BRINP1: variants seen among roughly 807,000 people sequenced by gnomAD.
The protein encoded by BRINP1 is BMP/retinoic acid-inducible neural-specific protein 1.
Under a neutral mutation model 72.9 loss-of-function variants are expected in BRINP1, and 17 were observed. The observed-to-expected ratio is 0.23, with a 90% CI of 0.16 to 0.35. The LOEUF (loss-of-function observed/expected upper bound fraction) is 0.35. BRINP1 is among the 10% of genes least tolerant of loss of function. BRINP1 has a pLI of 1.00. For missense variants in BRINP1, 850 were observed against 1,001.6 expected (o/e 0.85, Z 2.04); for synonymous variants, 418 against 378.5 (o/e 1.10, Z -1.21).
intron 7 of BRINP1, among the ~76,000 whole-genome samples, chr9:119,186,839 A>G (rs1329653105): frequency 6.6e-6 from 1 of 152,064 alleles, no homozygotes; most frequent in Non-Finnish European, 1.5e-5. Context: ...TCTTGTTTCT[A>G]CAGCGCCTCA....
intron 7 of BRINP1, among the ~76,000 whole-genome samples, chr9:119,172,466 A>T (rs1160040073): frequency 6.6e-6 from 1 of 151,906 alleles, no homozygotes; most frequent in Non-Finnish European, 1.5e-5. Flanking sequence ...CAATAACAGG[A>T]TCTGAAATTG....
chr9:119,291,622 G>T (rs1830822319), intron 2 of BRINP1, among the ~76,000 whole-genome samples: 1 of 152,108 alleles, frequency 6.6e-6, no homozygotes, highest in South Asian at 2.1e-4. Context: ...AATAGATACT[G>T]GTCCAGTGTC....
Position 119,368,343 on chromosome 9 carries a change from G to A in BRINP1, c.-51+713C>T, listed in dbSNP as rs1185636219. On this transcript the variant is annotated intron_variant, in intron 1 of 7. Coordinates refer to ENST00000265922, the MANE Select transcript of BRINP1 (RefSeq NM_014618.3). The surrounding 1 kb of genome is among the most constrained non-coding windows in gnomAD (Gnocchi z 4.7). ...CCAGTGTAGAATTTAAAGTGACAGC[G>A]TCTCATTTGCCTCGGGGGTTGGCCA... Among the ~76,000 whole-genome samples the A allele has an allele frequency of 1.3e-5, 2 of 152,064 alleles. No homozygotes were observed. The highest frequency in any genetic ancestry group is 1.9e-4 in the East Asian group (1 of 5,174).
intron 2 of BRINP1, among the ~76,000 whole-genome samples, chr9:119,303,026 C>CT (rs1830955120): frequency 6.6e-6 from 1 of 152,066 alleles, no homozygotes; most frequent in Admixed American, 6.6e-5. Context: ...CAGGTGAGCA[C>CT]TTTTATCTCA....
chr9:119,351,461 G>C (rs1831507388), intron 1 of BRINP1, among the ~76,000 whole-genome samples: 1 of 151,524 alleles, frequency 6.6e-6, no homozygotes, highest in African/African-American at 2.4e-5. Context: ...AAAAAAAAAA[G>C]TCTTGGCAAT....
At chr9:119,215,864 G>A (rs1259303621) in intron 5 of BRINP1, among the ~76,000 whole-genome samples, 1 of 151,652 alleles carries the variant, frequency 6.6e-6, no homozygotes, top group Non-Finnish European at 1.5e-5. Context: ...TGCACTGCAC[G>A]GTGTGGTCAA....
rs567589347 is a variant in BRINP1 at position 119,217,899 on chromosome 9, C to A, written c.686-3744G>T. Among the ~76,000 whole-genome samples, 4 of 152,154 alleles carry A rather than the reference C, an allele frequency of 2.6e-5. No homozygotes were observed. The South Asian group carries it at 8.3e-4, about 32-fold the overall frequency. ...ACATCAATATTGTTCCTCCCATAAT[C>A]TTTGCACTTGCGTTTCCCTGTGCAC... On this transcript the variant is annotated intron_variant, in intron 5 of 7. Coordinates refer to ENST00000265922, the MANE Select transcript of BRINP1 (RefSeq NM_014618.3).
At chr9:119,274,410 C>T (rs892968227) in intron 2 of BRINP1, among the ~76,000 whole-genome samples, 2 of 152,150 alleles carry the variant, frequency 1.3e-5, no homozygotes, top group African/African-American at 2.4e-5. Flanking sequence ...TAAATGATTC[C>T]TCTAGGGTGA....
intron 7 of BRINP1, among the ~76,000 whole-genome samples, chr9:119,174,384 C>T (rs1375231168): frequency 1.3e-5 from 2 of 150,142 alleles, no homozygotes; most frequent in Admixed American, 1.3e-4. Context: ...CATCACTGGC[C>T]ATCAGAGAAA....
chr9:119,201,334 T>C (rs906638208), intron 7 of BRINP1, among the ~76,000 whole-genome samples: 2 of 152,240 alleles, frequency 1.3e-5, no homozygotes, highest in African/African-American at 4.8e-5. Flanking sequence ...CCAATAGTCT[T>C]GAATTGAACT....
chr9:119,241,162 T>G (rs527531291), intron 4 of BRINP1, among the ~76,000 whole-genome samples: 6 of 152,328 alleles, frequency 3.9e-5, no homozygotes, highest in Non-Finnish European at 8.8e-5. Context: ...TAAAATGGAA[T>G]AAACTTAAAC....
chr9:119,169,231 C>G (rs1352282581), intron 7 of BRINP1, among the ~76,000 whole-genome samples: 1 of 152,252 alleles, frequency 6.6e-6, no homozygotes, highest in Non-Finnish European at 1.5e-5. Context: ...GTGCATCTCA[C>G]TAGGGAGTGC....
At position 119,255,936 on chromosome 9, in the gene BRINP1, C is replaced by T. The variant is rs574988213; in HGVS notation, c.219-6786G>A. Among the ~76,000 whole-genome samples the T allele has an allele frequency of 5.3e-5, 6 of 112,448 alleles. No individual in the cohort carries two copies. The South Asian group carries it at 8.9e-4, about 17-fold the overall frequency. 73.8% of individuals were successfully genotyped at this position (112,448 alleles called of 152,430 possible). A position where few individuals can be genotyped will look rare whatever the true frequency, so the allele number is the denominator to read the frequency against. On this transcript the variant is annotated intron_variant, in intron 2 of 7. Transcript: ENST00000265922. Reference sequence around the variant, plus strand: ...AGCCACTGCATGCCAGCCCGGGCAACGGAGCAAGACTCCAGCTCAAAAAAA... The same window carrying T: ...AGCCACTGCATGCCAGCCCGGGCAATGGAGCAAGACTCCAGCTCAAAAAAA...
rs1279267575 is a variant in BRINP1 at position 119,214,104 on chromosome 9, G to A, written c.737C>T (p.Ala246Val). 1 of 1,614,058 alleles carries A rather than the reference G, an allele frequency of 6.2e-7. No homozygotes were observed. Among genetic ancestry groups the A allele is most frequent in the Admixed American group, 1.7e-5 (1 of 60,008 alleles). The change falls in exon 6 of 8, where the codon GCC becomes GTC. Residue 246 changes from alanine (A) to valine (V), a missense_variant. Transcript: ENST00000265922. ...CCCATTGCACATGATATAGCTCAAGGCCGACTGGACAAACTTCTCTTGCAG... is the reference window on the plus strand; with the variant it reads ...CCCATTGCACATGATATAGCTCAAGACCGACTGGACAAACTTCTCTTGCAG... ...QYLQEKFVQS[A>V]LSYIMCNGEG...
At position 119,209,668 on chromosome 9, in the gene BRINP1, G is replaced by A. The variant is rs151307191; in HGVS notation, c.923-727C>T. Among the ~76,000 whole-genome samples, 588 of 152,260 alleles carry A rather than the reference G, an allele frequency of 3.9e-3. 4 individuals carry two copies. The highest frequency in any genetic ancestry group is 0.013 in the African/African-American group (560 of 41,528). ...AGATGGTAGCTATAAAAATAAATAT[G>A]TTGAAGATAATGTTAATAAATTCTA... On this transcript the variant is annotated intron_variant, in intron 6 of 7. Coordinates refer to ENST00000265922, the MANE Select transcript of BRINP1 (RefSeq NM_014618.3).
Position 119,167,390 on chromosome 9 carries a change from A to C in BRINP1, c.1980T>G (p.Tyr660Ter), listed in dbSNP as rs1255662758. 1 of 1,614,068 alleles carries C rather than the reference A, an allele frequency of 6.2e-7. No homozygotes were observed. Residue 660 changes from tyrosine (Y) to a stop codon, truncating the protein, a stop_gained, in exon 8 of 8, where the codon TAT becomes TAG. Coordinates refer to ENST00000265922, the MANE Select transcript of BRINP1 (RefSeq NM_014618.3). LOFTEE classifies it high-confidence loss of function. This position sits in a 1 kb window ranked among gnomAD's most constrained non-coding sequence, Gnocchi z 4.3. ...IKISDVQVFG[Y>*]SLRFNADLLR... ...GGAGGTCGGCGTTGAACCTCAGGCT[A>C]TACCCAAACACCTGCACGTCTGAGA...
At chr9:119,210,283 T>C (rs1829909766) in intron 6 of BRINP1, among the ~76,000 whole-genome samples, 1 of 152,200 alleles carries the variant, frequency 6.6e-6, no homozygotes, top group East Asian at 1.9e-4. Context: ...TTTATATAAA[T>C]ATTATAAATC....
intron 1 of BRINP1, among the ~76,000 whole-genome samples, chr9:119,334,024 C>G (rs1831325775): frequency 6.6e-6 from 1 of 152,146 alleles, no homozygotes; most frequent in South Asian, 2.1e-4. Flanking sequence ...TATTTCTAGC[C>G]CATACACTCC....
intron 7 of BRINP1, among the ~76,000 whole-genome samples, chr9:119,175,907 T>C (rs2118831040): frequency 6.6e-6 from 1 of 152,234 alleles, no homozygotes; most frequent in Middle Eastern, 3.4e-3. Flanking sequence ...TAAAAATACC[T>C]TGGGACTTGA....
Sources: gnomAD v4.1 joint callset for allele counts (sites outside exome capture counted in the v4.1 genomes callset) on GRCh38, gnomAD v4.1.1 for gene constraint, Gnocchi (gnomAD v3.1) non-coding constraint, MANE v1.5 for transcripts, NCBI Gene and HGNC (gene_info 2026-07-23, HGNC 2026-07-21) for gene names.